Variants in STK32B observed in about 807,000 individuals in gnomAD.
STK32B encodes serine/threonine kinase 32B.
A neutral mutation model predicts 52.6 loss-of-function variants in STK32B; 43 were observed. The observed-to-expected ratio is 0.82, with a 90% CI of 0.64 to 1.05. The LOEUF (loss-of-function observed/expected upper bound fraction) is 1.05, where lower values mean the gene tolerates loss of function less well. STK32B is among the 50% of genes least tolerant of loss of function. The pLI is 0.00. For missense variants in STK32B, 621 were observed against 534.6 expected (o/e 1.16, Z -1.59); for synonymous variants, 238 against 204.3 (o/e 1.17, Z -1.41).
chr4:5,155,530 C>A (rs918456376), intron 2 of STK32B, among the ~76,000 whole-genome samples: 1 of 152,018 alleles, frequency 6.6e-6, no homozygotes, highest in Non-Finnish European at 1.5e-5. Flanking sequence ...TTAGGCATAC[C>A]CACCGATATG....
chr4:5,347,197 G>C (rs1733529061), intron 4 of STK32B, among the ~76,000 whole-genome samples: 1 of 152,182 alleles, frequency 6.6e-6, no homozygotes, highest in Non-Finnish European at 1.5e-5. Flanking sequence ...GAGCTGGAAA[G>C]CTCTACAGTT....
At chr4:5,029,327 C>T in the STK32B span, among the ~76,000 whole-genome samples, 4 of 152,304 alleles carry the variant, frequency 2.6e-5, no homozygotes, top group Non-Finnish European at 5.9e-5. Flanking sequence ...CCAGGTGATC[C>T]TAATGCAATC....
intron 3 of STK32B, among the ~76,000 whole-genome samples, chr4:5,262,849 T>A (rs1006521912): frequency 1.3e-5 from 2 of 152,212 alleles, no homozygotes; most frequent in Non-Finnish European, 2.9e-5. Context: ...CATTTAATAC[T>A]CATTGCTTTT....
chr4:5,260,880 T>C (rs1198715775), intron 3 of STK32B, among the ~76,000 whole-genome samples: 3 of 152,084 alleles, frequency 2.0e-5, no homozygotes, highest in Non-Finnish European at 2.9e-5. Context: ...TAGCTGGCCT[T>C]GGTGCAGTCT....
chr4:5,078,193 C>T (rs747021879), intron 1 of STK32B, among the ~76,000 whole-genome samples: 2 of 152,130 alleles, frequency 1.3e-5, no homozygotes, highest in Non-Finnish European at 2.9e-5. Context: ...CAGACTTCCC[C>T]TTGTAGCTCA....
At position 5,450,982 on chromosome 4, in the gene STK32B, G is replaced by A. The variant is rs1162160908; in HGVS notation, c.666+4206G>A. Reference sequence around the variant, plus strand: ...CCATCCACACTCTGTGCTTCTTGGTGTTGTGATTTGGGCTAAGTCACTTAA... The same window carrying A: ...CCATCCACACTCTGTGCTTCTTGGTATTGTGATTTGGGCTAAGTCACTTAA... On this transcript the variant is annotated intron_variant, in intron 7 of 11. Transcript: ENST00000282908. Among the ~76,000 whole-genome samples, 3 of 152,196 alleles carry A rather than the reference G, an allele frequency of 2.0e-5. No homozygotes were observed. In the South Asian group the frequency reaches 6.2e-4, roughly 32 times the overall value.
At position 5,316,679 on chromosome 4, in the gene STK32B, TATA is replaced by T. The variant is rs1348941031; in HGVS notation, c.261-14537_261-14535del. Reference sequence around the variant, plus strand: ...TATATAATATATATTATATATATAATATAATATAATATATATCATATTATAATA... The same window carrying T: ...TATATAATATATATTATATATATAATATATAATATATATCATATTATAATA... On this transcript the variant is annotated intron_variant, in intron 3 of 11. Coordinates refer to ENST00000282908, the MANE Select transcript of STK32B (RefSeq NM_018401.3). Among the ~76,000 whole-genome samples, 16 of 3,268 alleles carry T rather than the reference TATA, an allele frequency of 4.9e-3. 3 individuals carry two copies. The highest frequency in any genetic ancestry group is 0.056 in the East Asian group (2 of 36). The allele number at this position is 3,268 out of a possible 152,430, so 2.1% of individuals were successfully genotyped here.
intron 4 of STK32B, among the ~76,000 whole-genome samples, chr4:5,372,251 T>C (rs1735291043): frequency 6.6e-6 from 1 of 152,186 alleles, no homozygotes; most frequent in Non-Finnish European, 1.5e-5. Context: ...CAGGTGCAGA[T>C]TCTGATGAAT....
intron 2 of STK32B, among the ~76,000 whole-genome samples, chr4:5,164,718 C>T (rs1054273218): frequency 7.2e-5 from 11 of 152,104 alleles, no homozygotes; most frequent in South Asian, 2.1e-4. Context: ...AGAGGGTGGG[C>T]GACTTGCCTA....
At chr4:5,220,117 C>G (rs907899063) in intron 3 of STK32B, among the ~76,000 whole-genome samples, 2 of 152,076 alleles carry the variant, frequency 1.3e-5, no homozygotes, top group African/African-American at 4.8e-5. Context: ...TGAGGGATCC[C>G]TAATGTAAGT....
chr4:5,439,681 G>T (rs1044917561), intron 6 of STK32B, among the ~76,000 whole-genome samples: 19 of 152,162 alleles, frequency 1.2e-4, no homozygotes, highest in African/African-American at 4.3e-4. Context: ...CCTTGCCCTT[G>T]CCTATGTCCT....
At chr4:5,140,405 C>G in intron 2 of STK32B, 4 of 863,654 alleles carry the variant, frequency 4.6e-6, no homozygotes, top group East Asian at 6.4e-5. Context: ...ATACTCCCCC[C>G]AGTCAAGCTC....
At chr4:5,088,214 G>C (rs1194702932) in intron 1 of STK32B, among the ~76,000 whole-genome samples, 1 of 152,018 alleles carries the variant, frequency 6.6e-6, no homozygotes, top group African/African-American at 2.4e-5. Flanking sequence ...AATAGTTTGA[G>C]GTGAATAAAA....
At position 5,396,913 on chromosome 4, in the gene STK32B, C is replaced by T. The variant is rs546400734; in HGVS notation, c.435-1294C>T. 2.4e-4 allele frequency among the ~76,000 whole-genome samples: 37 copies of T among 152,284 alleles called. No individual in the cohort carries two copies. The highest frequency in any genetic ancestry group is 7.7e-4 in the African/African-American group (32 of 41,550). On this transcript the variant is annotated intron_variant, in intron 4 of 11. Coordinates refer to ENST00000282908, the MANE Select transcript of STK32B (RefSeq NM_018401.3). This position sits in a 1 kb window ranked among gnomAD's most constrained non-coding sequence, Gnocchi z 4.7. ...TTCATCCCTCCCATGTGGCTCCCTA[C>T]GGGTCTCTGCGGTAATCTCTTTGTT...
At chr4:5,190,324 G>A (rs16836803) in intron 3 of STK32B, among the ~76,000 whole-genome samples, 3,145 of 152,276 alleles carry the variant, frequency 0.021, 115 homozygotes, top group African/African-American at 0.072. Flanking sequence ...AAATTTCACA[G>A]GCATCATCTC....
intron 11 of STK32B, among the ~76,000 whole-genome samples, chr4:5,494,034 GCTGAAAAAAATGTATATT>G (rs1363131107): frequency 6.6e-6 from 1 of 152,200 alleles, no homozygotes; most frequent in Non-Finnish European, 1.5e-5. Context: ...GTGGTGTGGT[GCTGAAAAAAATGTATATT>G]CTGTTGATTT....
chr4:5,170,435 A>G (rs1204507102), intron 3 of STK32B, among the ~76,000 whole-genome samples: 2 of 152,028 alleles, frequency 1.3e-5, no homozygotes, highest in Non-Finnish European at 2.9e-5. Flanking sequence ...CATTAGGTAT[A>G]TCTCCTAATG....
intron 4 of STK32B, among the ~76,000 whole-genome samples, chr4:5,337,063 C>A (rs777833583): frequency 6.6e-6 from 1 of 152,034 alleles, no homozygotes; most frequent in African/African-American, 2.4e-5. Context: ...ACTGCAGCCT[C>A]AACCTTCTGG....
At chr4:5,141,672 A>G (rs1225477954) in intron 2 of STK32B, among the ~76,000 whole-genome samples, 1 of 152,096 alleles carries the variant, frequency 6.6e-6, no homozygotes, top group Non-Finnish European at 1.5e-5. Flanking sequence ...GGCACATGGC[A>G]GTGCTGGGGG....
Sources: gnomAD v4.1 joint callset for allele counts (sites outside exome capture counted in the v4.1 genomes callset) on GRCh38, gnomAD v4.1.1 for gene constraint, Gnocchi (gnomAD v3.1) non-coding constraint, MANE v1.5 for transcripts, NCBI Gene and HGNC (gene_info 2026-07-23, HGNC 2026-07-21) for gene names.